The following IGF2R variants were observed in gnomAD, a reference collection of about 807,000 sequenced individuals.
IGF2R encodes insulin like growth factor 2 receptor, also known as cation-independent mannose-6-phosphate receptor.
A neutral mutation model predicts 270.6 loss-of-function variants in IGF2R; 91 were observed. The ratio of observed to expected loss-of-function variants is 0.34; its 90% CI spans 0.28 to 0.40. The LOEUF is 0.40. Ranked by LOEUF, IGF2R falls within the 10% of genes least tolerant of loss-of-function variation. The probability of loss-of-function intolerance (pLI) is 1.00; values close to 1 mark genes in which losing one functional copy is unlikely to be tolerated. For missense variants in IGF2R, 2,805 were observed against 3,188.3 expected (o/e 0.88, Z 2.90); for synonymous variants, 1,316 against 1,258.9 (o/e 1.05, Z -0.96).
chr6:159,969,292 GC>G lies in IGF2R; in HGVS notation c.49del (p.Arg17AlafsTer72). Reference protein sequence around the residue: ...GRSPHLGPAPARRPQRSLLLL... With the variant: ...GRSPHLGPAPXRRPQRSLLLL... ...GAGCCCCCACCTGGGGCCCGCGCCC[GC>G]CCGCCGCCCGCAGCGCTCTCTGCTC... is the stretch of plus-strand genomic sequence containing the variant. On this transcript the variant is annotated frameshift_variant, in exon 1 of 48. Coordinates refer to ENST00000356956, the MANE Select transcript of IGF2R (RefSeq NM_000876.4). LOFTEE classifies it high-confidence loss of function. 8.2e-7 allele frequency: 1 copy of G among 1,212,452 alleles called. No individual in the cohort carries two copies. The highest frequency in any genetic ancestry group is 1.0e-6 in the Non-Finnish European group (1 of 974,204). 75.1% of individuals were successfully genotyped at this position (1,212,452 alleles called of 1,614,324 possible). A position where few individuals can be genotyped will look rare whatever the true frequency, so the allele number is the denominator to read the frequency against.
chr6:160,024,596 G>T lies in IGF2R; in HGVS notation c.538G>T (p.Glu180Ter). Residue 180 changes from glutamate (E) to a stop codon, truncating the protein, a stop_gained, in exon 5 of 48, where the codon GAG becomes TAG. Coordinates refer to ENST00000356956, the MANE Select transcript of IGF2R (RefSeq NM_000876.4). LOFTEE classifies it high-confidence loss of function. ...KEVPCYVFDE[E>*]LRKHDLNPLI... Reference sequence around the variant, plus strand: ...GGTGCCATGCTATGTGTTTGATGAAGAGTTGAGGAAGCATGATCTCAATCC... The same window carrying T: ...GGTGCCATGCTATGTGTTTGATGAATAGTTGAGGAAGCATGATCTCAATCC... 1 of 1,614,058 alleles carries T rather than the reference G, an allele frequency of 6.2e-7. No individual in the cohort carries two copies. The highest frequency in any genetic ancestry group is 1.3e-5 in the African/African-American group (1 of 75,030).
chr6:160,007,540 A>C (rs931256555), intron 2 of IGF2R: 1 of 152,110 alleles, frequency 6.6e-6, no homozygotes, highest in Non-Finnish European at 1.5e-5. Context: ...TGTTCATTTT[A>C]TATTGGGTTA....
intron 2 of IGF2R, chr6:160,006,909 T>C (rs1048982174): frequency 1.1e-4 from 16 of 145,504 alleles, no homozygotes; most frequent in Non-Finnish European, 2.2e-4. Context: ...TCCCATCTTG[T>C]ATTAATTTTT....
chr6:160,103,171 G>A (rs1195538042), intron 46 of IGF2R, among the ~76,000 whole-genome samples: 1 of 152,112 alleles, frequency 6.6e-6, no homozygotes, highest in Non-Finnish European at 1.5e-5. Flanking sequence ...GAGCTGGCCA[G>A]CTCAGGCGTT....
rs117952273 is a variant in IGF2R, at chr6:160,023,488, A to G, written c.514-1084A>G. On this transcript the variant is annotated intron_variant, in intron 4 of 47. Transcript: ENST00000356956. ...ATGATGATAAACAACAGCAATAAAT[A>G]ACACTTATGCCAACCTGCCAGGAGC... Among the ~76,000 whole-genome samples, 32 of 152,310 alleles carry G rather than the reference A, an allele frequency of 2.1e-4. No homozygotes were observed. The East Asian group carries it at 6.0e-3, about 28-fold the overall frequency.
rs1583305412 is a variant in IGF2R, at chr6:160,096,362, A to G, written c.6656-77A>G. 1.1e-5 allele frequency: 15 copies of G among 1,345,596 alleles called. No homozygotes were observed. In the Middle Eastern group the frequency reaches 1.6e-3, roughly 145 times the overall value. 83.4% of individuals were successfully genotyped at this position (1,345,596 alleles called of 1,614,324 possible). Reference sequence around the variant, plus strand: ...GATTTTAAGTCTTTGCAAACTTTTTAGACCGTAAGGAGCTAAGCTCAGTCT... The same window carrying G: ...GATTTTAAGTCTTTGCAAACTTTTTGGACCGTAAGGAGCTAAGCTCAGTCT... On this transcript the variant is annotated intron_variant, in intron 44 of 47. Transcript: ENST00000356956.
At chr6:159,980,245 TGGA>T (rs1783777959) in intron 1 of IGF2R, among the ~76,000 whole-genome samples, 1 of 124,742 alleles carries the variant, frequency 8.0e-6, no homozygotes, top group Non-Finnish European at 1.7e-5. Flanking sequence ...GAAAGGTACA[TGGA>T]AGATTCGATT....
At chr6:160,085,290 G>T (rs986057241) in intron 41 of IGF2R, among the ~76,000 whole-genome samples, 159 bp downstream of exon 41, 1 of 152,134 alleles carries the variant, frequency 6.6e-6, no homozygotes, top group South Asian at 2.1e-4. Context: ...GGCTCTCCTG[G>T]CACATTAAAA....
chr6:159,980,855 A>T (rs568900848), intron 1 of IGF2R, among the ~76,000 whole-genome samples: 1 of 152,328 alleles, frequency 6.6e-6, no homozygotes, highest in Admixed American at 6.5e-5. Context: ...AGACATCCAC[A>T]TGGCAAAGCA....
chr6:160,011,721 G>A (rs953954722), intron 4 of IGF2R, among the ~76,000 whole-genome samples: 1 of 152,068 alleles, frequency 6.6e-6, no homozygotes, highest in African/African-American at 2.4e-5. Flanking sequence ...ATTCCCTCAT[G>A]TTGCACTGCT....
chr6:160,100,674 A>G (rs1458579093), intron 45 of IGF2R, among the ~76,000 whole-genome samples: 1 of 136,478 alleles, frequency 7.3e-6, no homozygotes, highest in East Asian at 2.6e-4. Context: ...TCAAACACTT[A>G]GAAAACTTTA....
At chr6:160,077,946 A>G (rs907415456) in intron 36 of IGF2R, among the ~76,000 whole-genome samples, 1 of 152,208 alleles carries the variant, frequency 6.6e-6, no homozygotes, top group African/African-American at 2.4e-5. Context: ...AGCACAGAAC[A>G]TTGAGGCTTT....
At position 159,996,891 on chromosome 6, in the gene IGF2R, C is replaced by T. The variant is rs569821391; in HGVS notation, c.289+5568C>T. On this transcript the variant is annotated intron_variant, in intron 2 of 47. Transcript: ENST00000356956. ...AAGTCCTGGCTCAGTGGAAGTCGTG[C>T]AAGTCCACTGCCAGTGGAAATGCAG... Among the ~76,000 whole-genome samples, 7 of 152,290 alleles carry T rather than the reference C, an allele frequency of 4.6e-5. No homozygotes were observed. The East Asian group carries it at 1.4e-3, about 29-fold the overall frequency.
intron 2 of IGF2R, among the ~76,000 whole-genome samples, chr6:160,000,787 G>C (rs12176028): frequency 2.8e-5 from 4 of 143,864 alleles, no homozygotes; most frequent in African/African-American, 1.0e-4. Flanking sequence ...CCAGGCCGGA[G>C]TGCAGTGGCG....
chr6:160,080,185 G>C lies in IGF2R; in HGVS notation c.5743G>C (p.Glu1915Gln), dbSNP rs772035874. 5.0e-6 allele frequency: 8 copies of C among 1,614,174 alleles called. No individual in the cohort carries two copies. Among genetic ancestry groups the C allele is most frequent in the Non-Finnish European group, 6.8e-6 (8 of 1,180,010 alleles). Residue 1915 changes from glutamate (E) to glutamine (Q), a missense_variant, in exon 39 of 48, where the codon GAG becomes CAG. Transcript: ENST00000356956. Reference sequence around the variant, plus strand: ...CTTCATATTCAATGGGAAGAGCTACGAGGAGTGCATCATAGAGAGCAGGGC... The same window carrying C: ...CTTCATATTCAATGGGAAGAGCTACCAGGAGTGCATCATAGAGAGCAGGGC... ...FPFIFNGKSY[E>Q]ECIIESRAKL...
intron 2 of IGF2R, among the ~76,000 whole-genome samples, chr6:159,993,266 T>C (rs1784004976): frequency 6.6e-6 from 1 of 152,228 alleles, no homozygotes; most frequent in South Asian, 2.1e-4. Flanking sequence ...ATTTTTGTTT[T>C]GTTGCATTTG....
At chr6:160,065,814 G>GTGTGTGTATGTGTATATATATATATA in intron 29 of IGF2R, among the ~76,000 whole-genome samples, 8 of 78,382 alleles carry the variant, frequency 1.0e-4, no homozygotes, top group Admixed American at 1.6e-4. Context: ...GTGTGTGTGT[G>GTGTGTGTATGTGTATATATATATATA]TATATATATA....
At chr6:159,997,386 T>C (rs1784068734) in intron 2 of IGF2R, among the ~76,000 whole-genome samples, 2 of 152,090 alleles carry the variant, frequency 1.3e-5, no homozygotes, top group Admixed American at 1.3e-4. Flanking sequence ...CCCCAGGCAG[T>C]CCTCCCACTG....
rs1218481476 is a variant in IGF2R at position 160,061,544 on chromosome 6, G to C, written c.3304G>C (p.Val1102Leu). 1 of 1,614,194 alleles carries C rather than the reference G, an allele frequency of 6.2e-7. No individual in the cohort carries two copies. Among genetic ancestry groups the C allele is most frequent in the South Asian group, 1.1e-5 (1 of 91,088 alleles). The change falls in exon 24 of 48, where the codon GTC becomes CTC. Residue 1102 changes from valine (V) to leucine (L), a missense_variant. By Grantham distance (32) the Val-to-Leu change is conservative (BLOSUM62 1). Transcript: ENST00000356956. ...NEYDLTGLST[V>L]RKPWTAVDTS... ...GTACGACCTGACTGGCCTAAGCACA[G>C]TCAGGAAACCTTGGACGGCTGTTGA...
Sources: gnomAD v4.1 joint callset for allele counts (sites outside exome capture counted in the v4.1 genomes callset) on GRCh38, gnomAD v4.1.1 for gene constraint, MANE v1.5 for transcripts, NCBI Gene and HGNC (gene_info 2026-07-23, HGNC 2026-07-21) for gene names.